The following PRKCE variants were observed in gnomAD, a reference collection of about 807,000 sequenced individuals.
PRKCE encodes the protein protein kinase C epsilon type.
A neutral mutation model predicts 85.4 loss-of-function variants in PRKCE; 16 were observed. That is an observed-to-expected ratio of 0.19 (90% confidence interval 0.13 to 0.28). PRKCE has a LOEUF of 0.28. PRKCE is among the 10% of genes least tolerant of loss of function. PRKCE has a pLI of 1.00. For synonymous variants in PRKCE, 388 were observed against 371.5 expected, an observed-to-expected ratio of 1.04 and a Z score of -0.51; for missense variants, 573 against 975.2, an observed-to-expected ratio of 0.59 and a Z score of 5.49.
chr2:45,744,516 C>G (rs1187399989), intron 1 of PRKCE, among the ~76,000 whole-genome samples: 4 of 38,484 alleles, frequency 1.0e-4, no homozygotes, highest in African/African-American at 3.6e-4. Flanking sequence ...TTCTTTCTTT[C>G]TTTCTTTCTT....
At chr2:45,775,100 A>G (rs898304207) in intron 1 of PRKCE, among the ~76,000 whole-genome samples, 6 of 152,202 alleles carry the variant, frequency 3.9e-5, no homozygotes, top group African/African-American at 1.4e-4. Context: ...AGACTGTATT[A>G]CATGTCAGGT....
intron 1 of PRKCE, among the ~76,000 whole-genome samples, chr2:45,683,173 A>G (rs941632384): frequency 2.6e-5 from 4 of 152,190 alleles, no homozygotes; most frequent in African/African-American, 9.7e-5. Context: ...GTAAGTTGAT[A>G]TTCCTATCAC....
chr2:45,934,405 T>G (rs1245184671), intron 2 of PRKCE, among the ~76,000 whole-genome samples: 1 of 152,112 alleles, frequency 6.6e-6, no homozygotes, highest in East Asian at 1.9e-4. Context: ...TCCCAGCACT[T>G]TGGGAGGCTG....
intron 1 of PRKCE, among the ~76,000 whole-genome samples, chr2:45,796,191 T>C (rs1202961105): frequency 6.6e-6 from 1 of 152,220 alleles, no homozygotes; most frequent in Non-Finnish European, 1.5e-5. Flanking sequence ...GTTAGTTGTC[T>C]TATTCTAGGC....
intron 1 of PRKCE, among the ~76,000 whole-genome samples, chr2:45,672,418 CT>C (rs2103842302): frequency 6.6e-6 from 1 of 152,276 alleles, no homozygotes; most frequent in Non-Finnish European, 1.5e-5. Context: ...ATCCATCCAT[CT>C]ATTCATCTAT....
intron 1 of PRKCE, among the ~76,000 whole-genome samples, chr2:45,826,959 G>A (rs193171625): frequency 2.6e-4 from 39 of 152,176 alleles, no homozygotes; most frequent in African/African-American, 4.3e-4. Flanking sequence ...GCCTTCCTGC[G>A]TCCTCATGGG....
intron 1 of PRKCE, among the ~76,000 whole-genome samples, chr2:45,747,986 G>C (rs930028387): frequency 1.3e-5 from 2 of 151,960 alleles, no homozygotes; most frequent in African/African-American, 4.8e-5. Context: ...AGAAATGTCT[G>C]TTCAAGTCCT....
chr2:45,923,311 G>A (rs765374805), intron 2 of PRKCE, among the ~76,000 whole-genome samples: 2 of 152,218 alleles, frequency 1.3e-5, no homozygotes, highest in Admixed American at 6.5e-5. Context: ...TAGGAGATGG[G>A]AGTGTGGAGT....
At chr2:45,867,543 T>G (rs1253829708) in intron 2 of PRKCE, among the ~76,000 whole-genome samples, 1 of 152,162 alleles carries the variant, frequency 6.6e-6, no homozygotes, top group Non-Finnish European at 1.5e-5. Flanking sequence ...TTTGGGGGAA[T>G]TTTTCTGTTA....
rs146805895 is a variant in PRKCE, at chr2:45,800,725, G to A, written c.349-42275G>A. On this transcript the variant is annotated intron_variant, in intron 1 of 14. Transcript: ENST00000306156. Reference sequence around the variant, plus strand: ...GGCAGAAGAACAAAATAAAACTTCCGCCATTAAAATTGGAGAAGGAACTTG... The same window carrying A: ...GGCAGAAGAACAAAATAAAACTTCCACCATTAAAATTGGAGAAGGAACTTG... Among the ~76,000 whole-genome samples the A allele has an allele frequency of 2.4e-3, 358 of 152,292 alleles. 3 individuals carry two copies. The highest frequency in any genetic ancestry group is 8.1e-3 in the African/African-American group (337 of 41,570).
chr2:46,148,984 G>C (rs1055765301), intron 12 of PRKCE, among the ~76,000 whole-genome samples: 3 of 152,190 alleles, frequency 2.0e-5, no homozygotes, highest in Admixed American at 1.3e-4. Context: ...TAGCTAAACA[G>C]ATTACCAGCC....
chr2:45,731,370 A>G (rs1681559863), intron 1 of PRKCE, among the ~76,000 whole-genome samples: 1 of 152,170 alleles, frequency 6.6e-6, no homozygotes, highest in Admixed American at 6.5e-5. Context: ...GGTGTGATGT[A>G]TAAATGTCTG....
chr2:45,827,088 C>T (rs968140066), intron 1 of PRKCE, among the ~76,000 whole-genome samples: 1 of 152,218 alleles, frequency 6.6e-6, no homozygotes, highest in Non-Finnish European at 1.5e-5. Flanking sequence ...AAGCACGTGC[C>T]AGGCCCTGGC....
chr2:45,801,503 CTGAGGG>C (rs61346713), intron 1 of PRKCE, among the ~76,000 whole-genome samples: 86,406 of 150,912 alleles, frequency 0.57, 25,870 homozygotes, highest in African/African-American at 0.73. Flanking sequence ...TCAGTGAGTG[CTGAGGG>C]TGAGGGTGAG....
At chr2:45,767,662 G>A (rs911493335) in intron 1 of PRKCE, among the ~76,000 whole-genome samples, 2 of 152,176 alleles carry the variant, frequency 1.3e-5, no homozygotes, top group African/African-American at 2.4e-5. Context: ...TCAAAGGAAC[G>A]GCCTTACAAA....
intron 10 of PRKCE, among the ~76,000 whole-genome samples, chr2:46,046,492 G>A (rs58091441): frequency 0.061 from 9,243 of 152,262 alleles, 842 homozygotes; most frequent in African/African-American, 0.2. Flanking sequence ...ACCTTGTAGG[G>A]GCTGCTTCTG....
intron 6 of PRKCE, among the ~76,000 whole-genome samples, chr2:45,992,097 A>G (rs1332129593): frequency 6.6e-6 from 1 of 152,228 alleles, no homozygotes; most frequent in Non-Finnish European, 1.5e-5. Context: ...ATAGGCGATA[A>G]TTCAGGCATT....
intron 1 of PRKCE, among the ~76,000 whole-genome samples, chr2:45,743,136 G>T (rs1478495872): frequency 6.6e-6 from 1 of 152,096 alleles, no homozygotes; most frequent in African/African-American, 2.4e-5. Flanking sequence ...GGGAGATGTT[G>T]GTCAAAGGGC....
chr2:46,094,973 A>G (rs901910349), intron 11 of PRKCE, among the ~76,000 whole-genome samples: 2 of 152,202 alleles, frequency 1.3e-5, no homozygotes, highest in African/African-American at 4.8e-5. Flanking sequence ...CCATTATTCT[A>G]AAATTATTGA....
Sources: allele counts gnomAD v4.1 joint callset (sites outside exome capture counted in the v4.1 genomes callset), GRCh38; gene constraint gnomAD v4.1.1; transcripts MANE v1.5; gene names NCBI Gene and HGNC (gene_info 2026-07-23, HGNC 2026-07-21).